The following TMCC1 variants were observed in gnomAD, a reference collection of about 807,000 sequenced individuals.
TMCC1 encodes the protein transmembrane and coiled-coil domain family 1, also known as transmembrane and coiled-coil domains protein 1.
A neutral mutation model predicts 52.4 loss-of-function variants in TMCC1; 15 were observed. The observed-to-expected ratio is 0.29, with a 90% CI of 0.19 to 0.44. TMCC1 has a LOEUF of 0.44. Ranked by LOEUF, TMCC1 falls within the 20% of genes least tolerant of loss-of-function variation. The pLI is 1.00. For missense variants in TMCC1, 503 were observed against 806.0 expected, an observed-to-expected ratio of 0.62 and a Z score of 4.55; for synonymous variants, 279 against 301.9, an observed-to-expected ratio of 0.92 and a Z score of 0.79.
At chr3:129,873,259 G>A (rs548517169) in intron 2 of TMCC1, among the ~76,000 whole-genome samples, 67 of 151,932 alleles carry the variant, frequency 4.4e-4, no homozygotes, top group South Asian at 1.0e-3. Flanking sequence ...TTGGGGATAA[G>A]ACTTGTTAGT....
intron 4 of TMCC1, among the ~76,000 whole-genome samples, chr3:129,741,878 A>T (rs567268121): frequency 1.3e-5 from 2 of 152,134 alleles, no homozygotes; most frequent in South Asian, 2.1e-4. Flanking sequence ...ACACAGGCAA[A>T]CACCTCTCTG....
chr3:129,815,571 T>A (rs528333431), intron 4 of TMCC1, among the ~76,000 whole-genome samples: 3 of 152,198 alleles, frequency 2.0e-5, no homozygotes, highest in African/African-American at 7.2e-5. Flanking sequence ...TACACCCCTA[T>A]CTCTGAACAT....
chr3:129,793,633 C>T (rs1165596999), intron 4 of TMCC1, among the ~76,000 whole-genome samples: 1 of 152,172 alleles, frequency 6.6e-6, no homozygotes, highest in Non-Finnish European at 1.5e-5. Flanking sequence ...GGAGGGCTGG[C>T]TACAGGCAGA....
chr3:129,758,447 G>GAC (rs1161682706), intron 4 of TMCC1, among the ~76,000 whole-genome samples: 1 of 152,202 alleles, frequency 6.6e-6, no homozygotes, highest in Non-Finnish European at 1.5e-5. Context: ...AAGAAGCAAT[G>GAC]ACACTCCCGT....
At chr3:129,850,319 G>A (rs1015442790) in intron 2 of TMCC1, among the ~76,000 whole-genome samples, 6 of 152,218 alleles carry the variant, frequency 3.9e-5, no homozygotes, top group Admixed American at 1.3e-4. Flanking sequence ...AACCAGAAGA[G>A]AGATTATTTT....
chr3:129,763,545 A>AT (rs2053826503), intron 4 of TMCC1, among the ~76,000 whole-genome samples: 1 of 129,368 alleles, frequency 7.7e-6, no homozygotes, highest in African/African-American at 2.7e-5. Flanking sequence ...CCTGTCTCAA[A>AT]AAAAAAAAAA....
chr3:129,756,094 T>C (rs187279899), intron 4 of TMCC1, among the ~76,000 whole-genome samples: 19 of 133,408 alleles, frequency 1.4e-4, no homozygotes, highest in Admixed American at 1.2e-3. Context: ...CAAGACTCCA[T>C]CTCAAGAAAA....
At chr3:129,870,759 C>CAAAAAAA (rs61673201) in intron 2 of TMCC1, among the ~76,000 whole-genome samples, 4 of 10,672 alleles carry the variant, frequency 3.7e-4, no homozygotes, top group African/African-American at 7.1e-4. Flanking sequence ...GACTCCATCT[C>CAAAAAAA]AAAAAAAAAA....
intron 4 of TMCC1, among the ~76,000 whole-genome samples, chr3:129,717,638 A>G (rs947352556): frequency 1.3e-5 from 2 of 152,230 alleles, no homozygotes; most frequent in Admixed American, 6.5e-5. Context: ...CCAGCTGTTT[A>G]GGTTAAAATC....
intron 4 of TMCC1, among the ~76,000 whole-genome samples, chr3:129,722,394 T>C (rs2049691303): frequency 6.6e-6 from 1 of 152,040 alleles, no homozygotes; most frequent in Non-Finnish European, 1.5e-5. Flanking sequence ...CACTCCAACC[T>C]TGCCCACAGA....
intron 2 of TMCC1, among the ~76,000 whole-genome samples, chr3:129,875,661 A>G (rs2061166872): frequency 6.6e-6 from 1 of 152,142 alleles, no homozygotes. Context: ...AACACCTACA[A>G]CAGGGCCAAC....
chr3:129,872,199 G>A (rs955643403), intron 2 of TMCC1, among the ~76,000 whole-genome samples: 1 of 152,110 alleles, frequency 6.6e-6, no homozygotes, highest in Non-Finnish European at 1.5e-5. Context: ...TTCACATTTT[G>A]TTCAAGATAG....
intron 4 of TMCC1, among the ~76,000 whole-genome samples, chr3:129,740,904 A>T (rs2051399356): frequency 1.3e-5 from 2 of 152,220 alleles, no homozygotes; most frequent in Admixed American, 1.3e-4. Flanking sequence ...TCTGGTACTT[A>T]TAAGTTAATC....
At chr3:129,874,228 T>C (rs2061075049) in intron 2 of TMCC1, among the ~76,000 whole-genome samples, 1 of 152,246 alleles carries the variant, frequency 6.6e-6, no homozygotes, top group Non-Finnish European at 1.5e-5. Context: ...AGACTCATAT[T>C]ACACATAAGA....
intron 4 of TMCC1, among the ~76,000 whole-genome samples, chr3:129,799,323 G>C (rs1169397254): frequency 6.6e-6 from 1 of 152,156 alleles, no homozygotes; most frequent in Non-Finnish European, 1.5e-5. Context: ...AGGAAGAAAG[G>C]ACGGTAAGAA....
At chr3:129,772,977 T>C (rs2054734646) in intron 4 of TMCC1, among the ~76,000 whole-genome samples, 1 of 152,140 alleles carries the variant, frequency 6.6e-6, no homozygotes, top group African/African-American at 2.4e-5. Flanking sequence ...GATGGAAATA[T>C]CTTAGAATCC....
At chr3:129,768,277 A>G (rs761944995) in intron 4 of TMCC1, among the ~76,000 whole-genome samples, 1 of 152,228 alleles carries the variant, frequency 6.6e-6, no homozygotes, top group Non-Finnish European at 1.5e-5. Flanking sequence ...GGTATCCCTC[A>G]CAATCGAGTA....
At chr3:129,703,102 G>A (rs1224919348) in intron 4 of TMCC1, among the ~76,000 whole-genome samples, 1 of 152,142 alleles carries the variant, frequency 6.6e-6, no homozygotes, top group Non-Finnish European at 1.5e-5. Context: ...GCTTGGGAGC[G>A]GGGATAAACC....
At chr3:129,845,802 C>T (rs2059639140) in intron 2 of TMCC1, among the ~76,000 whole-genome samples, 1 of 152,090 alleles carries the variant, frequency 6.6e-6, no homozygotes, top group African/African-American at 2.4e-5. Flanking sequence ...TCCATCTAAT[C>T]TCACCCCCAA....
Sources: gnomAD v4.1 joint callset for allele counts (sites outside exome capture counted in the v4.1 genomes callset) on GRCh38, gnomAD v4.1.1 for gene constraint, MANE v1.5 for transcripts, NCBI Gene and HGNC (gene_info 2026-07-23, HGNC 2026-07-21) for gene names.